The following PRKN variants were observed in gnomAD, a reference collection of about 807,000 sequenced individuals.
The protein encoded by PRKN is E3 ubiquitin-protein ligase parkin.
In PRKN, 56 loss-of-function variants were observed where a neutral mutation model predicts 59.5. That is an observed-to-expected ratio of 0.94 (90% confidence interval 0.76 to 1.18). PRKN has a LOEUF of 1.18. PRKN is among the 50% of genes most tolerant of loss of function. The pLI, the probability that PRKN is intolerant of heterozygous loss-of-function variation, is 0.00. For synonymous variants in PRKN, 250 were observed against 222.1 expected, an observed-to-expected ratio of 1.13 and a Z score of -1.12; for missense variants, 657 against 596.4, an observed-to-expected ratio of 1.10 and a Z score of -1.06.
intron 2 of PRKN, among the ~76,000 whole-genome samples, chr6:162,334,666 G>T (rs979528563): frequency 2.0e-5 from 3 of 152,152 alleles, no homozygotes; most frequent in Non-Finnish European, 1.5e-5. Context: ...ATTTTAACTT[G>T]CAAGTCTTAT....
chr6:161,641,587 T>C (rs1783739958), intron 7 of PRKN, among the ~76,000 whole-genome samples: 1 of 152,228 alleles, frequency 6.6e-6, no homozygotes. Flanking sequence ...TGGTCTCCCG[T>C]ACAGCCAGAT....
At chr6:161,453,416 T>C (rs11968360) in intron 9 of PRKN, among the ~76,000 whole-genome samples, 18,913 of 152,224 alleles carry the variant, frequency 0.12, 1,394 homozygotes, top group African/African-American at 0.19. Context: ...CTCTAGTACC[T>C]GGTTTTTTAA....
At chr6:161,938,105 T>C (rs1005347071) in intron 6 of PRKN, among the ~76,000 whole-genome samples, 4 of 152,178 alleles carry the variant, frequency 2.6e-5, no homozygotes, top group Non-Finnish European at 5.9e-5. Flanking sequence ...TCTAGGTCAA[T>C]ATAAAGCATC....
chr6:162,176,070 G>A (rs192489566), intron 4 of PRKN, among the ~76,000 whole-genome samples: 526 of 152,234 alleles, frequency 3.5e-3, no homozygotes, highest in Non-Finnish European at 5.3e-3. Context: ...GCCACCCTTC[G>A]CTCTCAATTA....
chr6:161,902,024 T>C (rs1008750602), intron 6 of PRKN, among the ~76,000 whole-genome samples: 6 of 152,198 alleles, frequency 3.9e-5, no homozygotes, highest in Admixed American at 2.0e-4. Flanking sequence ...TGCTTCCGAA[T>C]GGTACTTTCT....
intron 5 of PRKN, among the ~76,000 whole-genome samples, chr6:162,016,579 G>A (rs916675968): frequency 3.3e-5 from 5 of 152,082 alleles, no homozygotes; most frequent in Non-Finnish European, 7.4e-5. Context: ...ATTGCTAGCA[G>A]GGCCAACTAG....
At chr6:162,231,329 TA>T (rs1778411556) in intron 3 of PRKN, among the ~76,000 whole-genome samples, 9 of 152,246 alleles carry the variant, frequency 5.9e-5, no homozygotes, top group Admixed American at 5.9e-4. Flanking sequence ...GTCCCAGTGT[TA>T]TAAATAGTGT....
chr6:161,539,007 G>C (rs763142617), intron 9 of PRKN, among the ~76,000 whole-genome samples: 1 of 152,140 alleles, frequency 6.6e-6, no homozygotes, highest in Non-Finnish European at 1.5e-5. Flanking sequence ...TCTTCATCAT[G>C]CCATGAGGCT....
intron 4 of PRKN, among the ~76,000 whole-genome samples, chr6:162,090,501 C>CTA (rs1049569554): frequency 5.9e-5 from 9 of 152,202 alleles, no homozygotes; most frequent in African/African-American, 2.2e-4. Context: ...CTTGTTTTGC[C>CTA]TATATATATT....
At chr6:161,431,979 C>G (rs1788668300) in intron 9 of PRKN, among the ~76,000 whole-genome samples, 1 of 152,182 alleles carries the variant, frequency 6.6e-6, no homozygotes, top group South Asian at 2.1e-4. Context: ...AATGTTTGAT[C>G]ATGAATAAAG....
chr6:161,415,528 C>G (rs569381947), intron 9 of PRKN, among the ~76,000 whole-genome samples: 19 of 149,618 alleles, frequency 1.3e-4, no homozygotes, highest in Non-Finnish European at 2.5e-4. Context: ...GATGAGGAAA[C>G]GCAGAGCCTT....
chr6:161,500,872 T>C (rs1412690939), intron 9 of PRKN, among the ~76,000 whole-genome samples: 1 of 145,496 alleles, frequency 6.9e-6, no homozygotes, highest in Non-Finnish European at 1.5e-5. Flanking sequence ...TAGTTTTTTT[T>C]TTTCTTTTTT....
intron 9 of PRKN, among the ~76,000 whole-genome samples, chr6:161,404,155 C>T (rs1011433038): frequency 6.6e-6 from 1 of 152,152 alleles, no homozygotes; most frequent in Non-Finnish European, 1.5e-5. Flanking sequence ...CTAAATCCCT[C>T]CACCCTGCAC....
chr6:161,854,329 A>G (rs999060513), intron 6 of PRKN, among the ~76,000 whole-genome samples: 6 of 152,038 alleles, frequency 3.9e-5, no homozygotes, highest in African/African-American at 1.4e-4. Flanking sequence ...AAATATTAAA[A>G]ATAAAAAATA....
chr6:162,623,499 G>T (rs866369772), intron 1 of PRKN, among the ~76,000 whole-genome samples: 9 of 152,138 alleles, frequency 5.9e-5, no homozygotes, highest in South Asian at 4.1e-4. Context: ...AAGGACAGCA[G>T]TATATTAAAA....
At chr6:162,374,358 T>A (rs1352916449) in intron 2 of PRKN, among the ~76,000 whole-genome samples, 1 of 151,526 alleles carries the variant, frequency 6.6e-6, no homozygotes, top group Admixed American at 6.6e-5. Flanking sequence ...TGAAATTTTT[T>A]GATTTTAGGA....
chr6:162,379,627 T>G (rs530382753), intron 2 of PRKN, among the ~76,000 whole-genome samples: 1 of 152,130 alleles, frequency 6.6e-6, no homozygotes, highest in African/African-American at 2.4e-5. Flanking sequence ...CTTTCCCGCA[T>G]GGACCCGCCT....
chr6:162,192,450 T>TG lies in PRKN; in HGVS notation c.534+8680_534+8681insC, dbSNP rs1325204248. 3.3e-3 allele frequency among the ~76,000 whole-genome samples: 428 copies of TG among 130,302 alleles called. 3 individuals are homozygous for TG. Among genetic ancestry groups the TG allele is most frequent in the Non-Finnish European group, 4.2e-3 (255 of 61,180 alleles). The allele number at this position is 130,302 out of a possible 152,430, so 85.5% of individuals were successfully genotyped here. A position where few individuals can be genotyped will look rare whatever the true frequency, so the allele number is the denominator to read the frequency against. On this transcript the variant is annotated intron_variant, in intron 4 of 11. Coordinates refer to ENST00000366898, the MANE Select transcript of PRKN (RefSeq NM_004562.3). Reference sequence around the variant, plus strand: ...TTCAATAAATTATAGGGATTTTTTTTTTTTTTTTTTTTTTTTTTTTTAGAT... The same window carrying TG: ...TTCAATAAATTATAGGGATTTTTTTTGTTTTTTTTTTTTTTTTTTTTTAGAT...
chr6:161,820,896 CT>C (rs1432193459), intron 6 of PRKN, among the ~76,000 whole-genome samples: 1 of 151,608 alleles, frequency 6.6e-6, no homozygotes, highest in Non-Finnish European at 1.5e-5. Flanking sequence ...GTATAAACGC[CT>C]TTGGAAAATA....
Sources: gnomAD v4.1 joint callset for allele counts (sites outside exome capture counted in the v4.1 genomes callset) on GRCh38, gnomAD v4.1.1 for gene constraint, MANE v1.5 for transcripts, NCBI Gene and HGNC (gene_info 2026-07-23, HGNC 2026-07-21) for gene names.